DLG2: variants seen among roughly 807,000 people sequenced by gnomAD.
DLG2 encodes the protein disks large homolog 2.
In DLG2, 45 loss-of-function variants were observed where a neutral mutation model predicts 132.5. The observed-to-expected ratio is 0.34, with a 90% CI of 0.27 to 0.44. The LOEUF (loss-of-function observed/expected upper bound fraction) is 0.44. Ranked by LOEUF, DLG2 falls within the 20% of genes least tolerant of loss-of-function variation. DLG2 has a pLI of 1.00. For synonymous variants in DLG2, 424 were observed against 419.6 expected, an observed-to-expected ratio of 1.01 and a Z score of -0.13; for missense variants, 1,045 against 1,196.9, an observed-to-expected ratio of 0.87 and a Z score of 1.87.
At chr11:84,896,972 C>T (rs952685398) in intron 6 of DLG2, among the ~76,000 whole-genome samples, 2 of 151,602 alleles carry the variant, frequency 1.3e-5, no homozygotes, top group Non-Finnish European at 3.0e-5. Context: ...ACTGTACATA[C>T]AATTTTTTTC....
intron 7 of DLG2, among the ~76,000 whole-genome samples, chr11:84,280,576 G>A (rs1469658830): frequency 2.0e-5 from 3 of 151,906 alleles, no homozygotes; most frequent in African/African-American, 7.3e-5. Flanking sequence ...TGCAAGGCAT[G>A]TACACTGAAA....
At chr11:84,802,771 G>A (rs1598448539) in intron 6 of DLG2, among the ~76,000 whole-genome samples, 1 of 151,918 alleles carries the variant, frequency 6.6e-6, no homozygotes, top group Non-Finnish European at 1.5e-5. Flanking sequence ...AGCAATTTAC[G>A]CTCTTTGTTT....
rs959100181 is a variant in DLG2, at chr11:83,580,175, C to T, written c.1941-38317G>A. The stretch of plus-strand genomic sequence containing the variant: ...TTCATTGATCTTTTTTGTGCCATTA[C>T]TAATAGAAATATTTGCAACATCATT... On this transcript the variant is annotated intron_variant, in intron 19 of 27. Transcript: ENST00000376104. Among the ~76,000 whole-genome samples, 4 of 152,006 alleles carry T rather than the reference C, an allele frequency of 2.6e-5. No homozygotes were observed. In the East Asian group the frequency reaches 5.8e-4, roughly 22 times the overall value.
chr11:85,476,331 A>G (rs1413905055), intron 3 of DLG2, among the ~76,000 whole-genome samples: 1 of 133,852 alleles, frequency 7.5e-6, no homozygotes, highest in Non-Finnish European at 1.7e-5. Context: ...TGGGTGAGTC[A>G]GTAAAGGAGT....
intron 15 of DLG2, among the ~76,000 whole-genome samples, chr11:83,915,894 T>C (rs906253940): frequency 2.0e-5 from 3 of 152,158 alleles, no homozygotes; most frequent in Non-Finnish European, 2.9e-5. Context: ...CTAATTCCCA[T>C]AGCCTCTCCC....
intron 18 of DLG2, among the ~76,000 whole-genome samples, chr11:83,780,887 TCCAA>T (rs1210706515): frequency 1.3e-5 from 2 of 151,992 alleles, no homozygotes; most frequent in African/African-American, 4.8e-5. Context: ...GTAGAGGGAG[TCCAA>T]CCCAACAGTG....
chr11:84,543,733 A>T (rs2154522656), intron 6 of DLG2, among the ~76,000 whole-genome samples: 1 of 152,326 alleles, frequency 6.6e-6, no homozygotes, highest in South Asian at 2.1e-4. Context: ...TGAAAGAGGA[A>T]TTTTTCCAGT....
intron 19 of DLG2, among the ~76,000 whole-genome samples, chr11:83,590,387 A>G (rs552209733): frequency 6.6e-6 from 1 of 152,290 alleles, no homozygotes; most frequent in South Asian, 2.1e-4. Context: ...CTCCTGAATG[A>G]CTACTGGATA....
intron 18 of DLG2, among the ~76,000 whole-genome samples, chr11:83,700,550 C>T (rs1451397): frequency 0.27 from 41,162 of 151,976 alleles, 6,875 homozygotes; most frequent in African/African-American, 0.47. Context: ...CATACCAGAT[C>T]GATCCATGAC....
intron 16 of DLG2, among the ~76,000 whole-genome samples, chr11:83,863,197 C>A (rs1426522656): frequency 6.6e-6 from 1 of 152,146 alleles, no homozygotes; most frequent in African/African-American, 2.4e-5. Flanking sequence ...TGCATGGGCT[C>A]TAGACTTACT....
At chr11:84,552,493 A>G (rs1276198568) in intron 6 of DLG2, among the ~76,000 whole-genome samples, 1 of 152,188 alleles carries the variant, frequency 6.6e-6, no homozygotes, top group African/African-American at 2.4e-5. Flanking sequence ...CAATCTTTCC[A>G]GGAGCCTCCA....
At chr11:84,209,805 C>T (rs1031051630) in intron 8 of DLG2, among the ~76,000 whole-genome samples, 3 of 152,284 alleles carry the variant, frequency 2.0e-5, no homozygotes, top group Middle Eastern at 3.4e-3. Context: ...AGATGAACAA[C>T]ATTTAATGTT....
At chr11:84,191,082 A>G (rs1055971685) in intron 8 of DLG2, among the ~76,000 whole-genome samples, 18 of 152,236 alleles carry the variant, frequency 1.2e-4, no homozygotes, top group Admixed American at 4.6e-4. Context: ...TTTGTGGTGT[A>G]GGAATCTGAA....
At chr11:84,344,754 G>T (rs1030625773) in intron 7 of DLG2, among the ~76,000 whole-genome samples, 1 of 152,150 alleles carries the variant, frequency 6.6e-6, no homozygotes, top group Middle Eastern at 3.4e-3. Flanking sequence ...AGATATCCAG[G>T]TTATTACTCA....
chr11:83,731,128 C>A (rs568464582), intron 18 of DLG2, among the ~76,000 whole-genome samples: 7 of 152,260 alleles, frequency 4.6e-5, no homozygotes, highest in African/African-American at 1.7e-4. Context: ...AGTTCTCTTT[C>A]TTTTTTTCTT....
At chr11:84,873,614 C>A (rs924395789) in intron 6 of DLG2, among the ~76,000 whole-genome samples, 1 of 152,136 alleles carries the variant, frequency 6.6e-6, no homozygotes, top group African/African-American at 2.4e-5. Context: ...CATGAGAGAA[C>A]AAAGATTTCC....
intron 11 of DLG2, among the ~76,000 whole-genome samples, chr11:84,031,106 A>C (rs1468506885): frequency 6.6e-6 from 1 of 152,102 alleles, no homozygotes; most frequent in Non-Finnish European, 1.5e-5. Context: ...CCCAGAAAGG[A>C]TAAAGACCTG....
At chr11:84,624,857 CTTTT>C (rs776520040) in intron 6 of DLG2, among the ~76,000 whole-genome samples, 4 of 76,194 alleles carry the variant, frequency 5.2e-5, no homozygotes, top group African/African-American at 2.3e-4. Flanking sequence ...GAGAGTCAAC[CTTTT>C]TTTTTTTTTT....
At chr11:84,480,285 G>A (rs1157549432) in intron 7 of DLG2, among the ~76,000 whole-genome samples, 1 of 152,114 alleles carries the variant, frequency 6.6e-6, no homozygotes, top group Non-Finnish European at 1.5e-5. Flanking sequence ...AGGCAAACGA[G>A]TGAGTGACTT....
Sources: gnomAD v4.1 joint callset for allele counts (sites outside exome capture counted in the v4.1 genomes callset) on GRCh38, gnomAD v4.1.1 for gene constraint, MANE v1.5 for transcripts, NCBI Gene and HGNC (gene_info 2026-07-23, HGNC 2026-07-21) for gene names.